The following CAMK2D variants were observed in gnomAD, a reference collection of about 807,000 sequenced individuals.
CAMK2D encodes calcium/calmodulin dependent protein kinase II delta.
A neutral mutation model predicts 84.0 loss-of-function variants in CAMK2D; 37 were observed. The ratio of observed to expected loss-of-function variants is 0.44; its 90% CI spans 0.34 to 0.58. CAMK2D has a LOEUF of 0.58. CAMK2D is among the 20% of genes least tolerant of loss of function. The probability of loss-of-function intolerance (pLI) is 0.02; values close to 1 mark genes in which losing one functional copy is unlikely to be tolerated. For synonymous variants in CAMK2D, 202 were observed against 212.5 expected, an observed-to-expected ratio of 0.95 and a Z score of 0.43; for missense variants, 448 against 652.5, an observed-to-expected ratio of 0.69 and a Z score of 3.41.
intron 3 of CAMK2D, 118 bp from the exon 4 acceptor site, chr4:113,609,324 T>C: frequency 1.5e-6 from 1 of 655,420 alleles, no homozygotes. Flanking sequence ...CATTTTATTT[T>C]AGCCTTTGAT....
rs555544511 is a variant in CAMK2D, at chr4:113,574,089, G to A, written c.276-21993C>T. ...CAACTCCTACCCGTGCACCAATCACGCTAAATCCTTAGCTCCACTTTCAGT... is the reference window on the plus strand; with the variant it reads ...CAACTCCTACCCGTGCACCAATCACACTAAATCCTTAGCTCCACTTTCAGT... On this transcript the variant is annotated intron_variant, in intron 4 of 20. Coordinates refer to ENST00000511664, the MANE Select transcript of CAMK2D (RefSeq NM_001321571.2). 6.6e-5 allele frequency among the ~76,000 whole-genome samples: 10 copies of A among 152,198 alleles called. No homozygotes were observed. The East Asian group carries it at 9.7e-4, about 15-fold the overall frequency.
chr4:113,487,741 GTAGCAGTGTAT>G (rs1477374983), intron 16 of CAMK2D, among the ~76,000 whole-genome samples: 2 of 151,966 alleles, frequency 1.3e-5, no homozygotes, highest in Admixed American at 1.3e-4. Flanking sequence ...TCCTAAAACT[GTAGCAGTGTAT>G]TGTTTCTTTA....
At chr4:113,515,384 A>G (rs1283004400) in intron 9 of CAMK2D, among the ~76,000 whole-genome samples, 193 bp from the exon 10 acceptor site, 2 of 152,152 alleles carry the variant, frequency 1.3e-5, no homozygotes, top group Admixed American at 1.3e-4. Context: ...ACAACTATAT[A>G]TATTAAAGAG....
intron 2 of CAMK2D, among the ~76,000 whole-genome samples, chr4:113,752,198 T>C (rs1411597636): frequency 1.3e-5 from 2 of 151,678 alleles, no homozygotes; most frequent in Non-Finnish European, 2.9e-5. Context: ...TGGAGGCTTA[T>C]TGGGTGCTTA....
chr4:113,460,858 A>T (rs1033208897), intron 17 of CAMK2D, among the ~76,000 whole-genome samples: 1 of 151,828 alleles, frequency 6.6e-6, no homozygotes, highest in Non-Finnish European at 1.5e-5. Context: ...GTTAATTTTT[A>T]AATTTTTATT....
chr4:113,530,074 A>T (rs1008759609), intron 8 of CAMK2D, among the ~76,000 whole-genome samples: 2 of 152,244 alleles, frequency 1.3e-5, no homozygotes, highest in Non-Finnish European at 2.9e-5. Context: ...GAGAACTTCT[A>T]CTGTAAGTCG....
chr4:113,727,807 A>G (rs924021316), intron 2 of CAMK2D, among the ~76,000 whole-genome samples: 5 of 152,214 alleles, frequency 3.3e-5, no homozygotes, highest in African/African-American at 1.2e-4. Context: ...AAGAATTCTT[A>G]GAAATCAGCA....
intron 4 of CAMK2D, among the ~76,000 whole-genome samples, chr4:113,566,785 T>C (rs1167991070): frequency 7.9e-5 from 12 of 152,178 alleles, no homozygotes; most frequent in Non-Finnish European, 1.8e-4. Context: ...TCCTGAAACA[T>C]CATAGCAACC....
intron 4 of CAMK2D, among the ~76,000 whole-genome samples, chr4:113,602,147 C>T (rs1261563582): frequency 6.6e-6 from 1 of 151,874 alleles, no homozygotes; most frequent in African/African-American, 2.4e-5. Flanking sequence ...CTGGGCTAAG[C>T]TATCTCTAAA....
intron 2 of CAMK2D, among the ~76,000 whole-genome samples, chr4:113,666,578 TGCATGCACACACACGCAC>T (rs754207133): frequency 5.3e-5 from 8 of 151,720 alleles, no homozygotes; most frequent in East Asian, 1.9e-4. Context: ...TACACACACA[TGCATGCACACACACGCAC>T]GCATGCACAC....
chr4:113,575,381 TGA>T (rs1015397294), intron 4 of CAMK2D, among the ~76,000 whole-genome samples: 9 of 152,204 alleles, frequency 5.9e-5, no homozygotes, highest in Admixed American at 4.6e-4. Flanking sequence ...AAAGCTCCTT[TGA>T]GCTCCAAAAC....
chr4:113,641,970 A>C (rs1226742243), intron 3 of CAMK2D, among the ~76,000 whole-genome samples: 1 of 152,154 alleles, frequency 6.6e-6, no homozygotes, highest in Non-Finnish European at 1.5e-5. Context: ...AGATCATGCC[A>C]CTGCACTCCA....
intron 14 of CAMK2D, chr4:113,503,388 A>AAGAT (rs1390416597): frequency 2.1e-6 from 1 of 470,216 alleles, no homozygotes; most frequent in African/African-American, 2.0e-5. Flanking sequence ...ATTCTCAGAG[A>AAGAT]AGATATTTTT....
At chr4:113,673,902 C>T (rs2099305835) in intron 2 of CAMK2D, among the ~76,000 whole-genome samples, 1 of 152,236 alleles carries the variant, frequency 6.6e-6, no homozygotes, top group African/African-American at 2.4e-5. Flanking sequence ...AGACTTCTTA[C>T]ATGGCTGAAA....
intron 3 of CAMK2D, among the ~76,000 whole-genome samples, chr4:113,624,128 T>C (rs1198015162): frequency 6.6e-6 from 1 of 152,178 alleles, no homozygotes; most frequent in African/African-American, 2.4e-5. Flanking sequence ...CTGTAGTTCT[T>C]GGAGCCTCAC....
chr4:113,719,965 T>C (rs1376340888), intron 2 of CAMK2D, among the ~76,000 whole-genome samples: 1 of 152,154 alleles, frequency 6.6e-6, no homozygotes, highest in Non-Finnish European at 1.5e-5. Flanking sequence ...TTCAGGCTCC[T>C]ATAACCAGAG....
intron 2 of CAMK2D, among the ~76,000 whole-genome samples, chr4:113,718,919 T>C (rs2099521933): frequency 1.3e-5 from 2 of 152,106 alleles, no homozygotes; most frequent in African/African-American, 4.8e-5. Context: ...CAAATTTTTT[T>C]GAGAAAGAAA....
At chr4:113,490,246 G>C (rs1010447600) in intron 16 of CAMK2D, among the ~76,000 whole-genome samples, 2 of 149,704 alleles carry the variant, frequency 1.3e-5, no homozygotes, top group African/African-American at 5.0e-5. Context: ...GTAATGCCTA[G>C]GTTTTCTTCT....
At chr4:113,507,094 G>A (rs1162825983) in intron 13 of CAMK2D, among the ~76,000 whole-genome samples, 3 of 152,054 alleles carry the variant, frequency 2.0e-5, no homozygotes, top group Admixed American at 6.5e-5. Context: ...TTTTGTTAAT[G>A]TAAAGACTAA....
Sources: allele counts gnomAD v4.1 joint callset (sites outside exome capture counted in the v4.1 genomes callset), GRCh38; gene constraint gnomAD v4.1.1; transcripts MANE v1.5; gene names NCBI Gene and HGNC (gene_info 2026-07-23, HGNC 2026-07-21).